CACNA1C: variants seen among roughly 807,000 people sequenced by gnomAD.
CACNA1C encodes the protein calcium voltage-gated channel subunit alpha1 C.
In CACNA1C, 30 loss-of-function variants were observed where a neutral mutation model predicts 229.0. The ratio of observed to expected loss-of-function variants is 0.13; its 90% CI spans 0.10 to 0.18. The LOEUF is 0.18. CACNA1C is among the 10% of genes least tolerant of loss of function. The pLI is 1.00. For missense variants in CACNA1C, 1,658 were observed against 2,845.0 expected (o/e 0.58, Z 9.49); for synonymous variants, 1,114 against 1,132.5 (o/e 0.98, Z 0.33).
chr12:2,193,920 A>G (rs1033251900), intron 3 of CACNA1C, among the ~76,000 whole-genome samples: 2 of 152,020 alleles, frequency 1.3e-5, no homozygotes, highest in Non-Finnish European at 2.9e-5. Flanking sequence ...CTTCTTACTT[A>G]TCTTCCTTGA....
At chr12:2,266,614 G>A (rs999496151) in intron 3 of CACNA1C, among the ~76,000 whole-genome samples, 1 of 152,212 alleles carries the variant, frequency 6.6e-6, no homozygotes, top group Non-Finnish European at 1.5e-5. Context: ...AATAGACCTG[G>A]CTCTGGTTTG....
chr12:2,611,787 T>G, intron 28 of CACNA1C, 116 bp from the exon 29 acceptor site: 1 of 639,998 alleles, frequency 1.6e-6, no homozygotes, highest in East Asian at 2.7e-5. Context: ...CTCTGGGGGT[T>G]TGGTTCAAGG....
chr12:2,656,943 C>T (rs535146224), intron 34 of CACNA1C, among the ~76,000 whole-genome samples: 1 of 144,450 alleles, frequency 6.9e-6, no homozygotes, highest in East Asian at 1.9e-4. Context: ...TAATAGAAGA[C>T]AATGGAATAA....
At chr12:2,003,527 G>C (rs1764459473) in intron 1 of CACNA1C, among the ~76,000 whole-genome samples, 1 of 152,148 alleles carries the variant, frequency 6.6e-6, no homozygotes, top group African/African-American at 2.4e-5. Flanking sequence ...AGCAATCCCT[G>C]CAACAGGATT....
chr12:2,244,815 CAG>C (rs1382761499), intron 3 of CACNA1C, among the ~76,000 whole-genome samples: 4 of 152,170 alleles, frequency 2.6e-5, no homozygotes, highest in South Asian at 4.1e-4. Context: ...TGTTAATAAA[CAG>C]GGGGATTAGG....
At chr12:2,383,663 G>A (rs2098310452) in intron 3 of CACNA1C, among the ~76,000 whole-genome samples, 1 of 152,140 alleles carries the variant, frequency 6.6e-6, no homozygotes, top group Non-Finnish European at 1.5e-5. Context: ...CAGAGCCAAG[G>A]CAAGGAAAAG....
At chr12:2,364,331 G>A (rs2097663036) in intron 3 of CACNA1C, among the ~76,000 whole-genome samples, 2 of 152,178 alleles carry the variant, frequency 1.3e-5, no homozygotes, top group Admixed American at 6.5e-5. Context: ...TTTAAGACCT[G>A]GCAGTGGCAG....
intron 3 of CACNA1C, among the ~76,000 whole-genome samples, chr12:2,365,308 T>C (rs986115057): frequency 6.6e-6 from 1 of 152,246 alleles, no homozygotes; most frequent in Admixed American, 6.5e-5. Context: ...TCGGTAATTT[T>C]AGGAACATGG....
At chr12:2,662,664 AC>A (rs2095827662) in intron 34 of CACNA1C, among the ~76,000 whole-genome samples, 1 of 152,250 alleles carries the variant, frequency 6.6e-6, no homozygotes, top group African/African-American at 2.4e-5. Flanking sequence ...AGAAAAGGAA[AC>A]TGAATAGCCA....
intron 1 of CACNA1C, among the ~76,000 whole-genome samples, chr12:2,062,133 T>C (rs907396596): frequency 2.6e-5 from 4 of 152,216 alleles, no homozygotes; most frequent in Middle Eastern, 3.2e-3. Flanking sequence ...TGGAGCCATA[T>C]ATGTTTTAAT....
intron 3 of CACNA1C, among the ~76,000 whole-genome samples, chr12:2,299,946 T>G (rs1446916705): frequency 2.0e-5 from 3 of 152,238 alleles, no homozygotes; most frequent in Non-Finnish European, 4.4e-5. Context: ...TTTGGCACAT[T>G]GTAGATACTC....
At chr12:2,082,552 GGCCCTCTCTCCT>G (rs2066046216) in intron 1 of CACNA1C, among the ~76,000 whole-genome samples, 1 of 152,120 alleles carries the variant, frequency 6.6e-6, no homozygotes, top group South Asian at 2.1e-4. Flanking sequence ...TTGGAGCAGG[GGCCCTCTCTCCT>G]GCCTCCTGTA....
chr12:2,112,135 C>T (rs1378722416), intron 1 of CACNA1C, among the ~76,000 whole-genome samples: 1 of 152,162 alleles, frequency 6.6e-6, no homozygotes, highest in Non-Finnish European at 1.5e-5. Flanking sequence ...TGCAGCAACC[C>T]TCCGTCGCCC....
rs531251635 is a variant in CACNA1C at position 2,665,873 on chromosome 12, C to T, written c.4526+165C>T. Among the ~76,000 whole-genome samples, 3 of 152,216 alleles carry T rather than the reference C, an allele frequency of 2.0e-5. No homozygotes were observed. Among genetic ancestry groups the T allele is most frequent in the Admixed American group, 6.5e-5 (1 of 15,286 alleles). On this transcript the variant is annotated intron_variant, in intron 36 of 46. Coordinates refer to ENST00000399655, the MANE Select transcript of CACNA1C (RefSeq NM_000719.7). This position sits in a 1 kb window ranked among gnomAD's most constrained non-coding sequence, Gnocchi z 5.9. Reference sequence around the variant, plus strand: ...GGTCAAGGGCCAGCAGGAGGAGGCCCGGCACCTTCAATTAAGTCAAGAATG... The same window carrying T: ...GGTCAAGGGCCAGCAGGAGGAGGCCTGGCACCTTCAATTAAGTCAAGAATG...
intron 3 of CACNA1C, among the ~76,000 whole-genome samples, chr12:2,390,979 T>G (rs987117872): frequency 2.6e-5 from 4 of 151,906 alleles, no homozygotes; most frequent in African/African-American, 9.7e-5. Flanking sequence ...CACACAGCAG[T>G]GGTGGTGTGT....
At chr12:2,106,496 G>T in intron 1 of CACNA1C, among the ~76,000 whole-genome samples, 1 of 104,568 alleles carries the variant, frequency 9.6e-6, no homozygotes, top group African/African-American at 3.7e-5. Context: ...CCCGGGGAGG[G>T]TTTCCACCTC....
chr12:2,088,995 C>G (rs116900276), intron 1 of CACNA1C, among the ~76,000 whole-genome samples: 2,046 of 152,250 alleles, frequency 0.013, 22 homozygotes, highest in South Asian at 0.059. Flanking sequence ...TATATTCTTA[C>G]TTCTGGGAGA....
intron 31 of CACNA1C, among the ~76,000 whole-genome samples, chr12:2,650,631 T>C (rs12826579): frequency 0.67 from 102,037 of 152,088 alleles, 36,954 homozygotes; most frequent in East Asian, 0.79. Flanking sequence ...GCTCATGTTC[T>C]CAGGTTTGGA....
chr12:2,571,287 G>A (rs1440987570), intron 13 of CACNA1C, among the ~76,000 whole-genome samples: 1 of 152,210 alleles, frequency 6.6e-6, no homozygotes, highest in Non-Finnish European at 1.5e-5. Flanking sequence ...AGAGCTGAGA[G>A]CTGACCTGTC....
Sources: gnomAD v4.1 joint callset for allele counts (sites outside exome capture counted in the v4.1 genomes callset) on GRCh38, gnomAD v4.1.1 for gene constraint, Gnocchi (gnomAD v3.1) non-coding constraint, MANE v1.5 for transcripts, NCBI Gene and HGNC (gene_info 2026-07-23, HGNC 2026-07-21) for gene names.